CORIN: variants seen among roughly 807,000 people sequenced by gnomAD.
The protein encoded by CORIN is atrial natriuretic peptide-converting enzyme.
Under a neutral mutation model 125.3 loss-of-function variants are expected in CORIN, and 117 were observed. The ratio of observed to expected loss-of-function variants is 0.93; its 90% CI spans 0.80 to 1.09. The LOEUF (loss-of-function observed/expected upper bound fraction) is 1.09, where lower values mean the gene tolerates loss of function less well. Ranked by LOEUF, CORIN falls within the 50% of genes least tolerant of loss-of-function variation. The pLI is 0.00. For synonymous variants in CORIN, 450 were observed against 466.4 expected (o/e 0.96, Z 0.45); for missense variants, 1,253 against 1,306.7 (o/e 0.96, Z 0.63).
rs866648714 is a variant in CORIN at position 47,693,038 on chromosome 4, C to T, written c.845G>A (p.Cys282Tyr). ...ATTACATTGCAGTTTCCCGGGGATGCAGATTCCACTGGCACACAGAAAGTT... is the reference window on the plus strand; with the variant it reads ...ATTACATTGCAGTTTCCCGGGGATGTAGATTCCACTGGCACACAGAAAGTT... ...GENFLCASGICIPGKLQCNGY... is the reference protein window; with the variant it reads ...GENFLCASGIYIPGKLQCNGY... Residue 282 changes from cysteine (C) to tyrosine (Y), a missense_variant, in exon 6 of 22, where the codon TGC becomes TAC. Physicochemically the swap from Cys to Tyr is radical, Grantham distance 194. Transcript: ENST00000273857. 1.9e-6 allele frequency: 3 copies of T among 1,613,662 alleles called. No individual in the cohort carries two copies. The highest frequency in any genetic ancestry group is 3.3e-4 in the Middle Eastern group (2 of 6,060).
chr4:47,595,839 G>T lies in CORIN; in HGVS notation c.3011C>A (p.Thr1004Asn). The T allele has an allele frequency of 6.2e-7, 1 of 1,613,842 alleles. No individual in the cohort carries two copies. The highest frequency in any genetic ancestry group is 8.5e-7 in the Non-Finnish European group (1 of 1,179,838). Residue 1004 changes from threonine to asparagine, a missense_variant, in exon 22 of 22, where the codon ACT becomes AAT. By Grantham distance (65) the Thr-to-Asn change is moderately conservative. Coordinates refer to ENST00000273857, the MANE Select transcript of CORIN (RefSeq NM_006587.4). ...GGAAAAGCAGACGGAGCCCCATGAA[G>T]TTAATCCAAATAATGTCCACCGTCC... ...PGGRWTLFGL[T>N]SWGSVCFSKV...
At chr4:47,625,008 C>A (rs1391646619) in intron 17 of CORIN, among the ~76,000 whole-genome samples, 1 of 152,006 alleles carries the variant, frequency 6.6e-6, no homozygotes, top group Non-Finnish European at 1.5e-5. Flanking sequence ...TTATGTAATA[C>A]AGGAAAAGCT....
intron 3 of CORIN, among the ~76,000 whole-genome samples, chr4:47,785,148 A>C (rs1024615078): frequency 6.6e-6 from 1 of 152,212 alleles, no homozygotes; most frequent in African/African-American, 2.4e-5. Flanking sequence ...GTAATTTTCA[A>C]TCACATAACC....
intron 19 of CORIN, among the ~76,000 whole-genome samples, chr4:47,611,411 T>TA (rs950109256): frequency 1.3e-5 from 2 of 152,214 alleles, no homozygotes; most frequent in African/African-American, 4.8e-5. Context: ...TTGTGGTGTA[T>TA]AAAAATGCTA....
intron 19 of CORIN, among the ~76,000 whole-genome samples, chr4:47,612,909 A>AT (rs1479788092): frequency 6.6e-6 from 1 of 152,214 alleles, no homozygotes; most frequent in African/African-American, 2.4e-5. Flanking sequence ...GAAATGAACA[A>AT]TTCTATTATG....
rs148957454 is a variant in CORIN, at chr4:47,674,254, G to A, written c.1357+139C>T. The A allele has an allele frequency of 6.2e-4, 396 of 637,288 alleles. No homozygotes were observed. The African/African-American group carries it at 6.7e-3, about 11-fold the overall frequency. 39.5% of individuals were successfully genotyped at this position (637,288 alleles called of 1,614,324 possible). ...TGGTTTCTTTACTGCTACCACATGC[G>A]ACCTTTTAAAAAGAAAAAGAAAATA... On this transcript the variant is annotated intron_variant, in intron 10 of 21. Coordinates refer to ENST00000273857, the MANE Select transcript of CORIN (RefSeq NM_006587.4).
chr4:47,624,879 GAA>G (rs35400340), intron 17 of CORIN, among the ~76,000 whole-genome samples: 16 of 147,922 alleles, frequency 1.1e-4, no homozygotes, highest in Non-Finnish European at 1.5e-4. Context: ...CTATCAGATT[GAA>G]AAAAAAAAAT....
rs199963021 is a variant in CORIN at position 47,748,658 on chromosome 4, TG to T, written c.618-4076del. ...TAGAGAATTTATCTTCAAATAATTTTGTTATAGTATATATACAAATTAATAT... is the reference window on the plus strand; with the variant it reads ...TAGAGAATTTATCTTCAAATAATTTTTTATAGTATATATACAAATTAATAT... On this transcript the variant is annotated intron_variant, in intron 4 of 21. Transcript: ENST00000273857. Among the ~76,000 whole-genome samples, 1,229 of 152,300 alleles carry T rather than the reference TG, an allele frequency of 8.1e-3. 12 individuals carry two copies. The highest frequency in any genetic ancestry group is 0.031 in the Middle Eastern group (9 of 294).
intron 5 of CORIN, among the ~76,000 whole-genome samples, chr4:47,727,747 T>C (rs904513389): frequency 6.6e-6 from 1 of 152,134 alleles, no homozygotes; most frequent in African/African-American, 2.4e-5. Context: ...GTTTGGTGAA[T>C]GTCAAGGCAC....
rs556502939 is a variant in CORIN at position 47,594,769 on chromosome 4, A to T, written c.*952T>A. On this transcript the variant is annotated 3_prime_UTR_variant, in exon 22 of 22. Transcript: ENST00000273857. ...TAAATTCTCTTTTGCAAAGTTTAAT[A>T]TCCAGTTCTTTGCCACATAAGTAAA... is the stretch of plus-strand genomic sequence containing the variant. The T allele has an allele frequency of 6.6e-6, 1 of 152,292 alleles. No homozygotes were observed. The highest frequency in any genetic ancestry group is 2.1e-4 in the South Asian group (1 of 4,826). The allele number at this position is 152,292 out of a possible 1,614,324, so 9.4% of individuals were successfully genotyped here. A position where few individuals can be genotyped will look rare whatever the true frequency, so the allele number is the denominator to read the frequency against.
intron 4 of CORIN, among the ~76,000 whole-genome samples, chr4:47,751,684 C>G (rs1244509271): frequency 6.6e-6 from 1 of 152,200 alleles, no homozygotes; most frequent in African/African-American, 2.4e-5. Context: ...TGTGTTACCT[C>G]CATGCCTTGT....
chr4:47,682,741 T>C (rs909443973), intron 7 of CORIN: 2 of 152,196 alleles, frequency 1.3e-5, no homozygotes, highest in Non-Finnish European at 2.9e-5. Flanking sequence ...ACAACTATTA[T>C]TAGTCAAAAT....
intron 13 of CORIN, among the ~76,000 whole-genome samples, chr4:47,650,839 CCT>C (rs571434844): frequency 1.3e-3 from 202 of 152,274 alleles, no homozygotes; most frequent in Non-Finnish European, 1.6e-3. Flanking sequence ...TCAGCATTCC[CCT>C]GTCTCTTAGA....
intron 2 of CORIN, among the ~76,000 whole-genome samples, chr4:47,801,336 A>T (rs963008278): frequency 1.3e-5 from 2 of 152,212 alleles, no homozygotes; most frequent in Non-Finnish European, 2.9e-5. Context: ...AACAGGTAGT[A>T]TCAAAACTAA....
chr4:47,801,267 C>A (rs1218770089), intron 2 of CORIN, among the ~76,000 whole-genome samples: 1 of 152,216 alleles, frequency 6.6e-6, no homozygotes, highest in Non-Finnish European at 1.5e-5. Flanking sequence ...CACAAATCAA[C>A]CTTCCAATCT....
chr4:47,815,831 A>T (rs987371577), intron 1 of CORIN, among the ~76,000 whole-genome samples: 4 of 152,154 alleles, frequency 2.6e-5, no homozygotes, highest in Non-Finnish European at 5.9e-5. Flanking sequence ...TCACATCTTG[A>T]TTATTCGTTA....
chr4:47,706,090 C>T (rs927843165), intron 5 of CORIN, among the ~76,000 whole-genome samples: 2 of 152,118 alleles, frequency 1.3e-5, no homozygotes, highest in African/African-American at 4.8e-5. Context: ...TTTCAAATGG[C>T]TTTTTATACA....
intron 4 of CORIN, among the ~76,000 whole-genome samples, chr4:47,757,275 A>G (rs1729193826): frequency 6.6e-6 from 1 of 152,148 alleles, no homozygotes; most frequent in Admixed American, 6.6e-5. Context: ...TTGGTCTGAA[A>G]GTGCAATTAT....
chr4:47,709,372 C>A (rs1471185021), intron 5 of CORIN, among the ~76,000 whole-genome samples: 2 of 152,136 alleles, frequency 1.3e-5, no homozygotes, highest in African/African-American at 2.4e-5. Context: ...TGGCTCACTG[C>A]AGCCTCGATC....
Sources: gnomAD v4.1 joint callset for allele counts (sites outside exome capture counted in the v4.1 genomes callset) on GRCh38, gnomAD v4.1.1 for gene constraint, MANE v1.5 for transcripts, NCBI Gene and HGNC (gene_info 2026-07-23, HGNC 2026-07-21) for gene names.